FOXA1: variants seen among roughly 807,000 people sequenced by gnomAD.
FOXA1 encodes forkhead box A1, also known as hepatocyte nuclear factor 3-alpha.
In FOXA1, 9 loss-of-function variants were observed where a neutral mutation model predicts 29.2. That is an observed-to-expected ratio of 0.31 (90% CI 0.19 to 0.54). The LOEUF (loss-of-function observed/expected upper bound fraction) is 0.54. FOXA1 is among the 20% of genes least tolerant of loss of function. The probability of loss-of-function intolerance (pLI) is 0.95; values close to 1 mark genes in which losing one functional copy is unlikely to be tolerated. For synonymous variants in FOXA1, 340 were observed against 300.9 expected, an observed-to-expected ratio of 1.13 and a Z score of -1.34; for missense variants, 644 against 681.2, an observed-to-expected ratio of 0.95 and a Z score of 0.61.
At position 37,589,599 on chromosome 14, in the gene FOXA1, T is replaced by A. The variant is rs2095593887; in HGVS notation, c.*1766A>T. Among the ~76,000 whole-genome samples the A allele has an allele frequency of 6.6e-6, 1 of 152,018 alleles. No homozygotes were observed. Among genetic ancestry groups the A allele is most frequent in the Non-Finnish European group, 1.5e-5 (1 of 68,018 alleles). The stretch of plus-strand genomic sequence containing the variant: ...AGCCACAGCTGATATTTTATTTTCA[T>A]TGGAAGAATTCTCAGATAAAGAAAA... On this transcript the variant is annotated 3_prime_UTR_variant, in exon 2 of 2. Transcript: ENST00000250448.
In FOXA1 at chr14:37,594,983, C is replaced by T; in HGVS notation, c.-11G>A. On this transcript the variant is annotated 5_prime_UTR_variant, in exon 1 of 2. In the 5' UTR this introduces an upstream ATG that the reference lacks. Transcript: ENST00000250448. Reference sequence around the variant, plus strand: ...CACAGTTCCTAACATCCTGGAGCCACCCTGCCCAATACAACCATCCAGCCC... The same window carrying T: ...CACAGTTCCTAACATCCTGGAGCCATCCTGCCCAATACAACCATCCAGCCC... 1.3e-6 allele frequency: 2 copies of T among 1,577,798 alleles called. No individual in the cohort carries two copies. Among genetic ancestry groups the T allele is most frequent in the Non-Finnish European group, 1.7e-6 (2 of 1,156,562 alleles).
At position 37,591,278 on chromosome 14, in the gene FOXA1, T is replaced by G; in HGVS notation, c.*87A>C. On this transcript the variant is annotated 3_prime_UTR_variant, in exon 2 of 2. Coordinates refer to ENST00000250448, the MANE Select transcript of FOXA1 (RefSeq NM_004496.5). ...TGGGATTTTATTATGCTGTTGACGG[T>G]TTGGTTTGTGTGGTTTTGTTTGCTG... 1 of 1,505,960 alleles carries G rather than the reference T, an allele frequency of 6.6e-7. No individual in the cohort carries two copies. The highest frequency in any genetic ancestry group is 9.1e-7 in the Non-Finnish European group (1 of 1,095,932). The allele number at this position is 1,505,960 out of a possible 1,614,324, so 93.3% of individuals were successfully genotyped here.
At chr14:37,594,321 G>A (rs1170946209) in intron 1 of FOXA1, 2 of 1,127,242 alleles carry the variant, frequency 1.8e-6, no homozygotes, top group Admixed American at 4.7e-5. Context: ...TCGGCCCAGA[G>A]TTGTGAAGAA....
rs760849516 is a variant in FOXA1 at position 37,591,417 on chromosome 14, T to G, written c.1367A>C (p.Glu456Ala). 2.9e-5 allele frequency: 46 copies of G among 1,613,940 alleles called. No individual in the cohort carries two copies. The South Asian group carries it at 4.5e-4, about 16-fold the overall frequency. Residue 456 changes from glutamate to alanine, a missense_variant, in exon 2 of 2, where the codon GAG becomes GCG. By Grantham distance (107) the Glu-to-Ala change is moderately radical (BLOSUM62 -1). This residue lies in a region of FOXA1 where 295 missense variants were observed against 294.4 expected (regional missense o/e 1.00). Coordinates refer to ENST00000250448, the MANE Select transcript of FOXA1 (RefSeq NM_004496.5). ...ATACACACCTTGGTAGTACGCCGGC[T>G]CCAGGGCTGAGGGCTCGATGGGGCT... ...TRSPIEPSAL[E>A]PAYYQGVYSR...
chr14:37,594,552 T>G (rs1012063278), intron 1 of FOXA1: 3 of 242,356 alleles, frequency 1.2e-5, no homozygotes, highest in Admixed American at 6.4e-5. Context: ...CAGAGTTGCT[T>G]CCAACTCGCA....
rs764130009 is a variant in FOXA1, at chr14:37,592,316, G to A, written c.468C>T (p.Gly156=). ...SNLGRSRAGG[G]GDAKTFKRSY... is the part of the protein sequence containing the mutation. ...TGCGCTTGAACGTCTTGGCGTCGCC[G>A]CCGCCGCCCGCGCGGCTGCGGCCCA... The change falls in exon 2 of 2, where the codon GGC becomes GGT. Residue 156 remains glycine, a synonymous_variant. Coordinates refer to ENST00000250448, the MANE Select transcript of FOXA1 (RefSeq NM_004496.5). The A allele has an allele frequency of 1.9e-5, 30 of 1,598,332 alleles. No homozygotes were observed. The highest frequency in any genetic ancestry group is 1.7e-5 in the Admixed American group (1 of 57,288).
rs1884802 is a variant in FOXA1 at position 37,591,848 on chromosome 14, A to C, written c.936T>G (p.Gly312=). ...NPSADSPLHR[G]VHGKTGQLEG... is the part of the protein sequence containing the mutation. ...CTAGCTGGCCGGTCTTCCCGTGCACACCCCGATGGAGGGGCGAGTCGGCGC... is the reference window on the plus strand; with the variant it reads ...CTAGCTGGCCGGTCTTCCCGTGCACCCCCCGATGGAGGGGCGAGTCGGCGC... The change falls in exon 2 of 2, where the codon GGT becomes GGG. Residue 312 remains glycine, a synonymous_variant. Coordinates refer to ENST00000250448, the MANE Select transcript of FOXA1 (RefSeq NM_004496.5). The C allele has an allele frequency of 6.9e-7, 1 of 1,451,830 alleles. No individual in the cohort carries two copies. The highest frequency in any genetic ancestry group is 9.0e-7 in the Non-Finnish European group (1 of 1,107,674). 89.9% of individuals were successfully genotyped at this position (1,451,830 alleles called of 1,614,324 possible).
At position 37,592,719 on chromosome 14, in the gene FOXA1, G is replaced by A; in HGVS notation, c.73-8C>T. On this transcript the variant is annotated splice_polypyrimidine_tract_variant and splice_region_variant and intron_variant, in intron 1 of 1. Coordinates refer to ENST00000250448, the MANE Select transcript of FOXA1 (RefSeq NM_004496.5). ...CGGGACGGAGGAGTAGGCCTGGAGT[G>A]GAGACAGCGAGTGAAGAAGCCCCGG... 1 of 1,609,820 alleles carries A rather than the reference G, an allele frequency of 6.2e-7. No homozygotes were observed. The highest frequency in any genetic ancestry group is 8.5e-7 in the Non-Finnish European group (1 of 1,180,006).
At chr14:37,592,814 C>T (rs1410554658) in intron 1 of FOXA1, 103 bp from the exon 2 acceptor site, 2 of 1,422,450 alleles carry the variant, frequency 1.4e-6, no homozygotes, top group Non-Finnish European at 2.0e-6. Context: ...GTGCAGAGCA[C>T]TTTGCAGAAC....
Position 37,591,411 on chromosome 14 carries a change from G to C in FOXA1, c.1373C>G (p.Ala458Gly). The C allele has an allele frequency of 1.2e-6, 2 of 1,614,048 alleles. No homozygotes were observed. The highest frequency in any genetic ancestry group is 8.5e-7 in the Non-Finnish European group (1 of 1,180,032). ...SPIEPSALEP[A>G]YYQGVYSRPV... ...TCTGGAATACACACCTTGGTAGTAC[G>C]CCGGCTCCAGGGCTGAGGGCTCGAT... The change falls in exon 2 of 2, where the codon GCG (alanine) becomes GGG (glycine). Residue 458 changes from alanine (A) to glycine (G), a missense_variant. By Grantham distance (60) the Ala-to-Gly change is moderately conservative (BLOSUM62 0). This residue lies in a region of FOXA1 where 295 missense variants were observed against 294.4 expected (regional missense o/e 1.00). Transcript: ENST00000250448.
chr14:37,592,742 C>T, intron 1 of FOXA1, 31 bp from the exon 2 acceptor site: 1 of 1,605,436 alleles, frequency 6.2e-7, no homozygotes, highest in Non-Finnish European at 8.5e-7. Flanking sequence ...GAAGAAGCCC[C>T]GGAGGGCGGG....
rs2095595026 is a variant in FOXA1, at chr14:37,591,163, TAC to T, written c.*200_*201del. ...GTTTGGGGTTGTCTTTGTAGTAATA[TAC>T]ACAATGAATTTTGAATACAATAATA... On this transcript the variant is annotated 3_prime_UTR_variant, in exon 2 of 2. Coordinates refer to ENST00000250448, the MANE Select transcript of FOXA1 (RefSeq NM_004496.5). 14 of 735,130 alleles carry T rather than the reference TAC, an allele frequency of 1.9e-5. No homozygotes were observed. In the East Asian group the frequency reaches 3.8e-4, roughly 20 times the overall value. The allele number at this position is 735,130 out of a possible 1,614,324, so 45.5% of individuals were successfully genotyped here.
rs1243400765 is a variant in FOXA1, at chr14:37,591,708, G to A, written c.1076C>T (p.Pro359Leu). Residue 359 changes from proline to leucine, a missense_variant, in exon 2 of 2, where the codon CCC (proline) becomes CTC (leucine). By Grantham distance (98) the Pro-to-Leu change is moderately conservative. Transcript: ENST00000250448. Reference protein sequence around the residue: ...LKTPASSTAPPISSGPGALAS... With the variant: ...LKTPASSTAPLISSGPGALAS... ...CAGCGCCCCGGGCCCGGAGCTTATG[G>A]GGGGCGCAGTTGAGGAGGCTGGAGT... is the stretch of plus-strand genomic sequence containing the variant. 1.3e-5 allele frequency: 21 copies of A among 1,581,682 alleles called. No individual in the cohort carries two copies. Among genetic ancestry groups the A allele is most frequent in the Non-Finnish European group, 1.8e-5 (21 of 1,163,956 alleles).
rs1275547080 is a variant in FOXA1 at position 37,591,199 on chromosome 14, G to A, written c.*166C>T. On this transcript the variant is annotated 3_prime_UTR_variant, in exon 2 of 2. Transcript: ENST00000250448. The stretch of plus-strand genomic sequence containing the variant: ...TTTTGAATACAATAATAAAGTAACA[G>A]TCTTTTGCACTGGGGGAAAGGTTGT... The A allele has an allele frequency of 9.1e-6, 8 of 876,760 alleles. No individual in the cohort carries two copies. The highest frequency in any genetic ancestry group is 1.4e-5 in the Non-Finnish European group (8 of 564,648). The allele number at this position is 876,760 out of a possible 1,614,324, so 54.3% of individuals were successfully genotyped here.
In FOXA1 at chr14:37,595,233, G is replaced by A. The variant is rs1015832269; in HGVS notation, c.-261C>T. ...GCGCCGGGGAGCGCCTCCGCGGGAA[G>A]TGAGCGGGCTGCCTCTGCGAGGCAA... On this transcript the variant is annotated 5_prime_UTR_variant, in exon 1 of 2. Transcript: ENST00000250448. The A allele has an allele frequency of 1.6e-4, 46 of 294,466 alleles. No homozygotes were observed. Among genetic ancestry groups the A allele is most frequent in the African/African-American group, 1.0e-3 (45 of 44,788 alleles). 18.2% of individuals were successfully genotyped at this position (294,466 alleles called of 1,614,324 possible).
rs867473250 is a variant in FOXA1 at position 37,591,903 on chromosome 14, C to G, written c.881G>C (p.Arg294Pro). Reference protein sequence around the residue: ...GSGAKGGPESRKDPSGASNPS... With the variant: ...GSGAKGGPESPKDPSGASNPS... ...GTTAGAGGCGCCAGAGGGGTCCTTGCGGCTCTCAGGGCCGCCCTTGGCGCC... is the reference window on the plus strand; with the variant it reads ...GTTAGAGGCGCCAGAGGGGTCCTTGGGGCTCTCAGGGCCGCCCTTGGCGCC... Residue 294 changes from arginine (R) to proline (P), a missense_variant, in exon 2 of 2, where the codon CGC becomes CCC. Transcript: ENST00000250448. 5 of 1,464,746 alleles carry G rather than the reference C, an allele frequency of 3.4e-6. No homozygotes were observed. The Admixed American group carries it at 8.1e-5, about 24-fold the overall frequency. The allele number at this position is 1,464,746 out of a possible 1,614,324, so 90.7% of individuals were successfully genotyped here. A position where few individuals can be genotyped will look rare whatever the true frequency, so the allele number is the denominator to read the frequency against.
At chr14:37,592,863 TC>T (rs2095597530) in intron 1 of FOXA1, 152 bp from the exon 2 acceptor site, 2 of 869,430 alleles carry the variant, frequency 2.3e-6, no homozygotes, top group South Asian at 1.4e-5. Context: ...CTAAGCGCCC[TC>T]CCCAGACCGA....
In FOXA1 at chr14:37,592,490, C is replaced by T; in HGVS notation, c.294G>A (p.Ala98=). The part of the protein sequence containing the change: ...GSAGAMNSMT[A]AGVTAMGTAL... ...CCGTACCCATGGCCGTCACGCCGGC[C>T]GCAGTCATGCTGTTCATGGCGCCCG... Residue 98 remains alanine, a synonymous_variant, in exon 2 of 2, where the codon GCG becomes GCA. Coordinates refer to ENST00000250448, the MANE Select transcript of FOXA1 (RefSeq NM_004496.5). The T allele has an allele frequency of 6.2e-7, 1 of 1,609,744 alleles. No individual in the cohort carries two copies. Among genetic ancestry groups the T allele is most frequent in the Non-Finnish European group, 8.5e-7 (1 of 1,179,228 alleles).
chr14:37,589,961 GA>G lies in FOXA1; in HGVS notation c.*1403del, dbSNP rs1169022312. On this transcript the variant is annotated 3_prime_UTR_variant, in exon 2 of 2. Coordinates refer to ENST00000250448, the MANE Select transcript of FOXA1 (RefSeq NM_004496.5). ...ATATTCACTTCGGATTTAGTTAAGT[GA>G]AAAAAAATAACAGAAATGCTCTTTT... is the stretch of plus-strand genomic sequence containing the variant. 3.0e-5 allele frequency: 7 copies of G among 231,154 alleles called. No homozygotes were observed. Among genetic ancestry groups the G allele is most frequent in the East Asian group, 1.2e-4 (2 of 16,260 alleles). The allele number at this position is 231,154 out of a possible 1,614,324, so 14.3% of individuals were successfully genotyped here.
Sources: allele counts gnomAD v4.1 joint callset (sites outside exome capture counted in the v4.1 genomes callset), GRCh38; gene constraint gnomAD v4.1.1; regional missense constraint gnomAD v4.1.1; transcripts MANE v1.5; gene names NCBI Gene and HGNC (gene_info 2026-07-23, HGNC 2026-07-21).